The following KERA variants were observed in gnomAD, a reference collection of about 807,000 sequenced individuals.
The protein encoded by KERA is keratocan.
KERA carries 25 observed loss-of-function variants against 26.4 expected under a neutral mutation model. That is an observed-to-expected ratio of 0.95 (90% CI 0.69 to 1.32). KERA has a LOEUF of 1.32. Among genes scored for constraint, KERA ranks in the 40% most tolerant of loss-of-function variants. The pLI, the probability that KERA is intolerant of heterozygous loss-of-function variation, is 0.00. For synonymous variants in KERA, 167 were observed against 146.1 expected (o/e 1.14, Z -1.03); for missense variants, 434 against 408.9 (o/e 1.06, Z -0.53).
chr12:91,056,982 T>TCC (rs1307232821), intron 1 of KERA, among the ~76,000 whole-genome samples: 1 of 150,642 alleles, frequency 6.6e-6, no homozygotes, highest in African/African-American at 2.4e-5. Context: ...TCCCTTTCTC[T>TCC]CTCTCTCTCT....
chr12:91,055,367 G>A (rs1250078672), intron 2 of KERA, 29 bp downstream of exon 2: 1 of 1,594,972 alleles, frequency 6.3e-7, no homozygotes, highest in Admixed American at 1.7e-5. Context: ...GAGCCCTTTA[G>A]TCAAAGACAT....
chr12:91,056,176 T>A lies in KERA; in HGVS notation c.106A>T (p.Thr36Ser). The A allele has an allele frequency of 6.2e-7, 1 of 1,610,252 alleles. No individual in the cohort carries two copies. Among genetic ancestry groups the A allele is most frequent in the Non-Finnish European group, 8.5e-7 (1 of 1,177,654 alleles). ...ATGGGACACTCGAAGTCATGAATAG[T>A]CCAATCATCTGAATCATGTACTTCA... ...VYEVHDSDDW[T>S]IHDFECPMEC... Residue 36 changes from threonine to serine, a missense_variant, in exon 2 of 3, where the codon ACT (threonine) becomes TCT (serine). Transcript: ENST00000266719.
chr12:91,054,431 C>T (rs1003210732), intron 2 of KERA, among the ~76,000 whole-genome samples: 2 of 151,250 alleles, frequency 1.3e-5, no homozygotes, highest in African/African-American at 2.4e-5. Context: ...TTTAAAGGGT[C>T]TACTCTGAGT....
chr12:91,050,496 A>T lies in KERA; in HGVS notation c.*850T>A, dbSNP rs1878838674. 1 of 151,652 alleles carries T rather than the reference A, an allele frequency of 6.6e-6. No homozygotes were observed. Among genetic ancestry groups the T allele is most frequent in the South Asian group, 2.1e-4 (1 of 4,832 alleles). 9.4% of individuals were successfully genotyped at this position (151,652 alleles called of 1,614,324 possible). On this transcript the variant is annotated 3_prime_UTR_variant, in exon 3 of 3. Coordinates refer to ENST00000266719, the MANE Select transcript of KERA (RefSeq NM_007035.4). ...ATAATTTTTACTATAACACATTTTT[A>T]TTAAAACATGTTCTTTAATGAAGCT...
intron 2 of KERA, among the ~76,000 whole-genome samples, chr12:91,052,021 G>A (rs1258210461): frequency 6.6e-6 from 1 of 151,490 alleles, no homozygotes; most frequent in Non-Finnish European, 1.5e-5. Context: ...TACCTTAAAA[G>A]ATGCAAAATA....
intron 2 of KERA, among the ~76,000 whole-genome samples, chr12:91,054,398 G>A (rs891945548): frequency 1.3e-5 from 2 of 151,294 alleles, no homozygotes; most frequent in African/African-American, 4.8e-5. Context: ...AGGTTGTCCT[G>A]GAGAAATCTC....
intron 2 of KERA, among the ~76,000 whole-genome samples, chr12:91,054,573 T>C (rs1268747734): frequency 6.7e-6 from 1 of 150,180 alleles, no homozygotes; most frequent in Non-Finnish European, 1.5e-5. Context: ...GTCCAACATC[T>C]GCTTTCTATA....
chr12:91,055,450 G>A lies in KERA; in HGVS notation c.832C>T (p.Pro278Ser), dbSNP rs772733326. 2 of 1,610,118 alleles carry A rather than the reference G, an allele frequency of 1.2e-6. No homozygotes were observed. Among genetic ancestry groups the A allele is most frequent in the Non-Finnish European group, 1.7e-6 (2 of 1,177,544 alleles). The change falls in exon 2 of 3, where the codon CCC becomes TCC. Residue 278 changes from proline (P) to serine (S), a missense_variant. Pro to Ser is a moderately conservative substitution (Grantham distance 74). Transcript: ENST00000266719. ...TGCTGCAGATGAGCACTGATTCGGG[G>A]AACCTTTGTGAGTTGATTGTGCGAC... ...QLSHNQLTKVPRISAHLQHLH... is the reference protein window; with the variant it reads ...QLSHNQLTKVSRISAHLQHLH...
In KERA at chr12:91,051,545, T is replaced by A. The variant is rs1181959121; in HGVS notation, c.887-27A>T. 2.6e-6 allele frequency: 4 copies of A among 1,552,980 alleles called. No individual in the cohort carries two copies. The South Asian group carries it at 4.4e-5, about 17-fold the overall frequency. ...TACAGTGACAAAGAGAATAGATGAATGAATTGGAACACAAGAGAAACTAAC... is the reference window on the plus strand; with the variant it reads ...TACAGTGACAAAGAGAATAGATGAAAGAATTGGAACACAAGAGAAACTAAC... On this transcript the variant is annotated intron_variant, in intron 2 of 2. Coordinates refer to ENST00000266719, the MANE Select transcript of KERA (RefSeq NM_007035.4).
intron 2 of KERA, among the ~76,000 whole-genome samples, chr12:91,052,002 C>T (rs1248644937): frequency 6.6e-6 from 1 of 151,320 alleles, no homozygotes; most frequent in Admixed American, 6.6e-5. Context: ...AAAGAAAATG[C>T]TTGAAAATTA....
In KERA at chr12:91,051,099, T is replaced by C; in HGVS notation, c.*247A>G. The C allele has an allele frequency of 2.2e-6, 1 of 454,164 alleles. No individual in the cohort carries two copies. The highest frequency in any genetic ancestry group is 4.1e-6 in the Non-Finnish European group (1 of 245,110). The allele number at this position is 454,164 out of a possible 1,614,324, so 28.1% of individuals were successfully genotyped here. On this transcript the variant is annotated 3_prime_UTR_variant, in exon 3 of 3. Coordinates refer to ENST00000266719, the MANE Select transcript of KERA (RefSeq NM_007035.4). ...TATGGAAGAGACCAAAATAAAACTATCTTTGAGTTGATAAACTATCTTAAC... is the reference window on the plus strand; with the variant it reads ...TATGGAAGAGACCAAAATAAAACTACCTTTGAGTTGATAAACTATCTTAAC...
rs1322959190 is a variant in KERA at position 91,055,676 on chromosome 12, A to G, written c.606T>C (p.Asn202=). The G allele has an allele frequency of 6.2e-7, 1 of 1,611,398 alleles. No individual in the cohort carries two copies. Among genetic ancestry groups the G allele is most frequent in the Admixed American group, 1.7e-5 (1 of 59,742 alleles). Residue 202 remains asparagine, a synonymous_variant, in exon 2 of 3, where the codon AAT becomes AAC. Transcript: ENST00000266719. The part of the protein sequence containing the change: ...KNLMQLNMAK[N]ALRNMPPRLP... ...ATCTTGGAGGCATATTCCTCAGGGC[A>G]TTCTTGGCCATGTTTAGCTGCATGA...
At position 91,056,051 on chromosome 12, in the gene KERA, A is replaced by C; in HGVS notation, c.231T>G (p.Tyr77Ter). 1 of 1,608,830 alleles carries C rather than the reference A, an allele frequency of 6.2e-7. No homozygotes were observed. The highest frequency in any genetic ancestry group is 8.5e-7 in the Non-Finnish European group (1 of 1,177,670). The change falls in exon 2 of 3, where the codon TAT becomes TAG. Residue 77 changes from tyrosine to a stop codon, truncating the protein, a stop_gained. Coordinates refer to ENST00000266719, the MANE Select transcript of KERA (RefSeq NM_007035.4). LOFTEE classifies it high-confidence loss of function. ...TGGTTTCTATCAGGTTGTTTTGAAG[A>C]TAAAGATACCAAATTCTTGAAGGAA... ...PAIPSRIWYL[Y>*]LQNNLIETIP...
intron 2 of KERA, among the ~76,000 whole-genome samples, chr12:91,054,952 G>A (rs1878954374): frequency 6.6e-6 from 1 of 151,182 alleles, no homozygotes; most frequent in Non-Finnish European, 1.5e-5. Context: ...CCAATTAGGA[G>A]GGTTTCAGGC....
chr12:91,054,313 C>A (rs1305632559), intron 2 of KERA, among the ~76,000 whole-genome samples: 4 of 151,362 alleles, frequency 2.6e-5, no homozygotes, highest in South Asian at 2.1e-4. Context: ...GGCAGCACAA[C>A]CTTTTGACAA....
At position 91,055,448 on chromosome 12, in the gene KERA, G is replaced by A; in HGVS notation, c.834C>T (p.Pro278=). 6.2e-7 allele frequency: 1 copy of A among 1,610,172 alleles called. No individual in the cohort carries two copies. Among genetic ancestry groups the A allele is most frequent in the Non-Finnish European group, 8.5e-7 (1 of 1,177,574 alleles). ...QLSHNQLTKV[P]RISAHLQHLH... ...GGTGCTGCAGATGAGCACTGATTCG[G>A]GGAACCTTTGTGAGTTGATTGTGCG... is the stretch of plus-strand genomic sequence containing the variant. The change falls in exon 2 of 3, where the codon CCC becomes CCT. Residue 278 remains proline, a synonymous_variant. Coordinates refer to ENST00000266719, the MANE Select transcript of KERA (RefSeq NM_007035.4).
chr12:91,051,115 C>T lies in KERA; in HGVS notation c.*231G>A, dbSNP rs11105954. On this transcript the variant is annotated 3_prime_UTR_variant, in exon 3 of 3. Transcript: ENST00000266719. ...ATAAAACTATCTTTGAGTTGATAAA[C>T]TATCTTAACTCTGTGTCTGTTTTAT... The T allele has an allele frequency of 0.055, 26,403 of 481,214 alleles. 1,407 individuals are homozygous for T. The highest frequency in any genetic ancestry group is 0.2 in the African/African-American group (10,061 of 51,236). The allele number at this position is 481,214 out of a possible 1,614,324, so 29.8% of individuals were successfully genotyped here.
intron 1 of KERA, among the ~76,000 whole-genome samples, chr12:91,056,526 A>G (rs1021245039): frequency 6.6e-6 from 1 of 151,216 alleles, no homozygotes; most frequent in Non-Finnish European, 1.5e-5. Context: ...CCCAAACACA[A>G]TAAAAGCCGA....
In KERA at chr12:91,051,462, AAT is replaced by A. The variant is rs1878864555; in HGVS notation, c.941_942del (p.Asp314ValfsTer17). On this transcript the variant is annotated frameshift_variant, in exon 3 of 3. Transcript: ENST00000266719. LOFTEE classifies it high-confidence loss of function. ...PSPSMLPAER[D>X]SFSYGPHLRY... is the part of the protein sequence containing the mutation. The stretch of plus-strand genomic sequence containing the variant: ...CGAAGATGAGGTCCATAACTGAAGG[AAT>A]CTCGTTCTGCAGGCAGCATGGATGG... 1 of 1,610,888 alleles carries A rather than the reference AAT, an allele frequency of 6.2e-7. No individual in the cohort carries two copies. Among genetic ancestry groups the A allele is most frequent in the African/African-American group, 1.3e-5 (1 of 74,706 alleles).
Sources: allele counts gnomAD v4.1 joint callset (sites outside exome capture counted in the v4.1 genomes callset), GRCh38; gene constraint gnomAD v4.1.1; transcripts MANE v1.5; gene names NCBI Gene and HGNC (gene_info 2026-07-23, HGNC 2026-07-21).